Variants in AFAP1L2 observed in about 807,000 individuals in gnomAD.
AFAP1L2 encodes actin filament-associated protein 1-like 2.
In AFAP1L2, 46 loss-of-function variants were observed where a neutral mutation model predicts 99.3. That is an observed-to-expected ratio of 0.46 (90% CI 0.37 to 0.59). The LOEUF is 0.59. Ranked by LOEUF, AFAP1L2 falls within the 20% of genes least tolerant of loss-of-function variation. AFAP1L2 has a pLI of 0.00. For missense variants in AFAP1L2, 959 were observed against 1,034.9 expected, an observed-to-expected ratio of 0.93 and a Z score of 1.01; for synonymous variants, 397 against 419.1, an observed-to-expected ratio of 0.95 and a Z score of 0.64.
the AFAP1L2 span, chr10:114,284,910 G>T: frequency 2.5e-6 from 4 of 1,606,410 alleles, no homozygotes; most frequent in Non-Finnish European, 3.4e-6. Flanking sequence ...ATGTGTTCCA[G>T]AAGGACTGGA....
At chr10:114,366,771 G>C (rs2053324670) in intron 1 of AFAP1L2, among the ~76,000 whole-genome samples, 1 of 152,174 alleles carries the variant, frequency 6.6e-6, no homozygotes, top group South Asian at 2.1e-4. Flanking sequence ...TTCAAGACCA[G>C]CCTGGACAAT....
At chr10:114,363,701 G>A (rs2052777263) in intron 1 of AFAP1L2, among the ~76,000 whole-genome samples, 1 of 152,146 alleles carries the variant, frequency 6.6e-6, no homozygotes, top group African/African-American at 2.4e-5. Flanking sequence ...CCACCTCTGG[G>A]AGGCCTTCCT....
intron 3 of AFAP1L2, 117 bp from the exon 4 acceptor site, chr10:114,332,014 A>G: frequency 1.6e-6 from 1 of 622,012 alleles, no homozygotes; most frequent in Non-Finnish European, 2.4e-6. Flanking sequence ...GCAGGTGTTA[A>G]TTACCCAGGC....
the AFAP1L2 span, chr10:114,289,134 C>T: frequency 1.9e-6 from 3 of 1,613,922 alleles, no homozygotes; most frequent in African/African-American, 1.3e-5. Context: ...ACACCAAACC[C>T]ACCCGGGCTG....
chr10:114,334,714 G>A (rs1161276815), intron 2 of AFAP1L2, among the ~76,000 whole-genome samples: 1 of 152,248 alleles, frequency 6.6e-6, no homozygotes, highest in Non-Finnish European at 1.5e-5. Flanking sequence ...TACAAATGGA[G>A]TGAACCGGAA....
chr10:114,374,517 C>T (rs1223207812), intron 1 of AFAP1L2, among the ~76,000 whole-genome samples: 2 of 152,110 alleles, frequency 1.3e-5, no homozygotes, highest in Admixed American at 6.5e-5. Context: ...TCAAAATAAA[C>T]GCAGATGCTT....
intron 1 of AFAP1L2, among the ~76,000 whole-genome samples, chr10:114,346,812 C>T (rs1249673015): frequency 6.6e-6 from 1 of 152,188 alleles, no homozygotes; most frequent in Non-Finnish European, 1.5e-5. Flanking sequence ...TTCCAAGGCC[C>T]ACGCAGGGCT....
chr10:114,281,805 A>G, the AFAP1L2 span: 4 of 949,364 alleles, frequency 4.2e-6, no homozygotes, highest in Non-Finnish European at 5.0e-6. Context: ...TGAAGATAGA[A>G]TTACTATACA....
intron 1 of AFAP1L2, among the ~76,000 whole-genome samples, chr10:114,402,197 C>T (rs913194312): frequency 6.6e-6 from 1 of 152,180 alleles, no homozygotes. Flanking sequence ...AAGAAGATGG[C>T]CCCAGTCTCT....
intron 11 of AFAP1L2, 58 bp downstream of exon 11, chr10:114,304,661 A>C: frequency 2.8e-6 from 4 of 1,451,862 alleles, no homozygotes; most frequent in Non-Finnish European, 3.7e-6. Context: ...GACTGGCAGC[A>C]AACAGCCACC....
At chr10:114,313,627 C>T (rs2043618071) in intron 7 of AFAP1L2, among the ~76,000 whole-genome samples, 1 of 152,124 alleles carries the variant, frequency 6.6e-6, no homozygotes, top group Non-Finnish European at 1.5e-5. Flanking sequence ...GGATGCCTCA[C>T]TAAAGGCAAA....
intron 4 of AFAP1L2, among the ~76,000 whole-genome samples, chr10:114,330,427 G>A (rs1014246807): frequency 1.8e-4 from 27 of 152,198 alleles, no homozygotes; most frequent in African/African-American, 6.3e-4. Context: ...ACAGAGGAAA[G>A]AACCTGGGTT....
intron 1 of AFAP1L2, among the ~76,000 whole-genome samples, chr10:114,351,409 C>A (rs1434982209): frequency 6.6e-6 from 1 of 152,124 alleles, no homozygotes. Flanking sequence ...CACCGTATGT[C>A]CAGATTTACT....
chr10:114,404,381 T>C, intron 1 of AFAP1L2, 59 bp downstream of exon 1: 1 of 1,510,436 alleles, frequency 6.6e-7, no homozygotes, highest in Non-Finnish European at 8.9e-7. Flanking sequence ...AGCCCTGCCC[T>C]CCGCGTCGCT....
chr10:114,357,596 G>A (rs1040225893), intron 1 of AFAP1L2, among the ~76,000 whole-genome samples: 20 of 152,086 alleles, frequency 1.3e-4, no homozygotes, highest in South Asian at 4.1e-4. Context: ...AGTGAGTATC[G>A]GCTCTCTCTC....
At chr10:114,392,384 G>A (rs1009741890) in intron 1 of AFAP1L2, among the ~76,000 whole-genome samples, 1 of 152,168 alleles carries the variant, frequency 6.6e-6, no homozygotes, top group Non-Finnish European at 1.5e-5. Flanking sequence ...GCAAGACCCT[G>A]TTGAAAGAAA....
At chr10:114,385,421 G>A (rs1017444078) in intron 1 of AFAP1L2, among the ~76,000 whole-genome samples, 6 of 152,142 alleles carry the variant, frequency 3.9e-5, no homozygotes, top group African/African-American at 1.4e-4. Context: ...ATCCAAACAT[G>A]GCTGCAGGTC....
chr10:114,322,566 C>A (rs2045542447), intron 5 of AFAP1L2, among the ~76,000 whole-genome samples: 1 of 152,208 alleles, frequency 6.6e-6, no homozygotes, highest in African/African-American at 2.4e-5. Flanking sequence ...GAAGCCTTCC[C>A]TATCTAAAGT....
chr10:114,360,863 G>C (rs1181346326), intron 1 of AFAP1L2, among the ~76,000 whole-genome samples: 1 of 152,058 alleles, frequency 6.6e-6, no homozygotes, highest in Non-Finnish European at 1.5e-5. Context: ...CTTTCCACAT[G>C]CATTTTCTTT....
Sources: gnomAD v4.1 joint callset for allele counts (sites outside exome capture counted in the v4.1 genomes callset) on GRCh38, gnomAD v4.1.1 for gene constraint, MANE v1.5 for transcripts, NCBI Gene and HGNC (gene_info 2026-07-23, HGNC 2026-07-21) for gene names.